CTNNA3: variants seen among roughly 807,000 people sequenced by gnomAD.
The protein encoded by CTNNA3 is catenin alpha 3, also known as catenin alpha-3.
A neutral mutation model predicts 95.7 loss-of-function variants in CTNNA3; 76 were observed. The ratio of observed to expected loss-of-function variants is 0.79; its 90% CI spans 0.66 to 0.96. The LOEUF is 0.96. Ranked by LOEUF, CTNNA3 falls within the 40% of genes least tolerant of loss-of-function variation. CTNNA3 has a pLI of 0.00. For synonymous variants in CTNNA3, 431 were observed against 374.4 expected (o/e 1.15, Z -1.74); for missense variants, 1,191 against 1,089.8 (o/e 1.09, Z -1.31).
chr10:67,376,208 T>C (rs1436317309), intron 5 of CTNNA3, among the ~76,000 whole-genome samples: 1 of 152,206 alleles, frequency 6.6e-6, no homozygotes, highest in East Asian at 1.9e-4. Context: ...GCCACATCTA[T>C]GTCTTTTATC....
chr10:67,641,914 A>G (rs1839548960), intron 2 of CTNNA3, among the ~76,000 whole-genome samples: 1 of 152,114 alleles, frequency 6.6e-6, no homozygotes. Flanking sequence ...TGTAAATGAC[A>G]AGTTAATGGG....
At chr10:66,594,052 C>T (rs1178185055) in intron 10 of CTNNA3, among the ~76,000 whole-genome samples, 1 of 152,154 alleles carries the variant, frequency 6.6e-6, no homozygotes, top group African/African-American at 2.4e-5. Flanking sequence ...CCTGACACTT[C>T]CATTTGGGTA....
chr10:67,644,828 G>A (rs778415678), intron 2 of CTNNA3, among the ~76,000 whole-genome samples: 11 of 151,950 alleles, frequency 7.2e-5, no homozygotes, highest in South Asian at 2.1e-4. Context: ...TACCTGAGAC[G>A]TTGATGTTTT....
At chr10:66,569,762 C>A (rs1842813460) in intron 10 of CTNNA3, among the ~76,000 whole-genome samples, 1 of 152,100 alleles carries the variant, frequency 6.6e-6, no homozygotes, top group East Asian at 1.9e-4. Context: ...CTACAAATCA[C>A]CCACGCTTGA....
At chr10:65,993,788 T>C (rs2078592885) in intron 15 of CTNNA3, among the ~76,000 whole-genome samples, 1 of 152,200 alleles carries the variant, frequency 6.6e-6, no homozygotes, top group Non-Finnish European at 1.5e-5. Context: ...TGGGCTGCAG[T>C]ACAGTGGCAC....
At chr10:67,758,372 CTG>C (rs1247012347) in intron 1 of CTNNA3, among the ~76,000 whole-genome samples, 1 of 151,374 alleles carries the variant, frequency 6.6e-6, no homozygotes, top group African/African-American at 2.4e-5. Flanking sequence ...CTTAGCCACT[CTG>C]TTTCTCTAGA....
intron 13 of CTNNA3, among the ~76,000 whole-genome samples, chr10:66,127,530 C>T (rs1468546784): frequency 6.6e-6 from 1 of 151,784 alleles, no homozygotes; most frequent in African/African-American, 2.4e-5. Context: ...CTGTCAAGTT[C>T]GCAAAAACAA....
intron 13 of CTNNA3, among the ~76,000 whole-genome samples, chr10:66,171,456 G>C (rs1589628198): frequency 6.6e-6 from 1 of 150,972 alleles, no homozygotes; most frequent in South Asian, 2.1e-4. Context: ...TGAGGCAGGA[G>C]AATTGCTTGA....
At chr10:66,570,567 G>A (rs1300138595) in intron 10 of CTNNA3, among the ~76,000 whole-genome samples, 3 of 151,950 alleles carry the variant, frequency 2.0e-5, no homozygotes, top group South Asian at 2.1e-4. Flanking sequence ...GATTACAGGC[G>A]TGAGCCACCG....
At chr10:67,360,054 G>T (rs1480164484) in intron 5 of CTNNA3, among the ~76,000 whole-genome samples, 1 of 152,048 alleles carries the variant, frequency 6.6e-6, no homozygotes, top group Non-Finnish European at 1.5e-5. Flanking sequence ...CCTATTTTTG[G>T]CATCCCTAAA....
intron 5 of CTNNA3, among the ~76,000 whole-genome samples, chr10:67,471,195 C>A (rs752332676): frequency 3.3e-5 from 5 of 152,150 alleles, no homozygotes; most frequent in Non-Finnish European, 7.3e-5. Context: ...GATGTTCTCA[C>A]ATCCCTGGCC....
chr10:66,395,708 A>G (rs2092970323), intron 11 of CTNNA3, among the ~76,000 whole-genome samples: 1 of 152,038 alleles, frequency 6.6e-6, no homozygotes, highest in African/African-American at 2.4e-5. Context: ...GCCATTCTGT[A>G]ACCTCTGAAC....
intron 1 of CTNNA3, among the ~76,000 whole-genome samples, chr10:67,724,843 A>G (rs965546025): frequency 1.1e-4 from 16 of 152,178 alleles, no homozygotes; most frequent in Non-Finnish European, 2.2e-4. Context: ...AAGTGCAGGA[A>G]GCCTATTTGT....
chr10:67,674,151 T>G (rs1329966160), intron 1 of CTNNA3, among the ~76,000 whole-genome samples: 1 of 152,016 alleles, frequency 6.6e-6, no homozygotes, highest in Non-Finnish European at 1.5e-5. Flanking sequence ...TGACTGTATT[T>G]GGAGATAGGT....
intron 13 of CTNNA3, among the ~76,000 whole-genome samples, chr10:66,181,090 TCAA>T (rs1325783197): frequency 6.6e-6 from 1 of 150,758 alleles, no homozygotes; most frequent in Non-Finnish European, 1.5e-5. Context: ...GTGTGCTGAC[TCAA>T]AACACTATGA....
intron 7 of CTNNA3, among the ~76,000 whole-genome samples, chr10:66,878,730 A>G (rs1022140599): frequency 3.3e-5 from 5 of 152,044 alleles, no homozygotes; most frequent in Admixed American, 2.6e-4. Flanking sequence ...AACAGGTCCA[A>G]CACCCTACTG....
intron 10 of CTNNA3, among the ~76,000 whole-genome samples, chr10:66,575,483 C>T (rs991561527): frequency 7.9e-5 from 12 of 152,086 alleles, no homozygotes; most frequent in Non-Finnish European, 1.8e-4. Flanking sequence ...ATGATACTTG[C>T]AATTTTTTGA....
At chr10:67,458,854 C>T (rs1163130156) in intron 5 of CTNNA3, among the ~76,000 whole-genome samples, 2 of 152,038 alleles carry the variant, frequency 1.3e-5, no homozygotes, top group Non-Finnish European at 2.9e-5. Flanking sequence ...GTGGGGATTA[C>T]AATTCAAGAT....
chr10:66,411,211 C>T (rs892399745), intron 11 of CTNNA3, among the ~76,000 whole-genome samples: 1 of 151,918 alleles, frequency 6.6e-6, no homozygotes, highest in Non-Finnish European at 1.5e-5. Context: ...ACATTTTTTC[C>T]TCACATCTTT....
Sources: allele counts gnomAD v4.1 joint callset (sites outside exome capture counted in the v4.1 genomes callset), GRCh38; gene constraint gnomAD v4.1.1; transcripts MANE v1.5; gene names NCBI Gene and HGNC (gene_info 2026-07-23, HGNC 2026-07-21).